TMC1: variants seen among roughly 807,000 people sequenced by gnomAD.
The protein encoded by TMC1 is transmembrane channel like 1, also known as transmembrane channel-like protein 1.
Under a neutral mutation model 105.8 loss-of-function variants are expected in TMC1, and 84 were observed. That is an observed-to-expected ratio of 0.79 (90% CI 0.67 to 0.95). The LOEUF (loss-of-function observed/expected upper bound fraction) is 0.95, where lower values mean the gene tolerates loss of function less well. Among genes scored for constraint, TMC1 ranks in the 40% least tolerant of loss-of-function variants. The pLI is 0.00. For synonymous variants in TMC1, 315 were observed against 311.5 expected (o/e 1.01, Z -0.12); for missense variants, 817 against 914.1 (o/e 0.89, Z 1.37).
At chr9:72,701,253 G>A (rs1240944514) in intron 8 of TMC1, among the ~76,000 whole-genome samples, 4 of 152,150 alleles carry the variant, frequency 2.6e-5, no homozygotes, top group East Asian at 1.9e-4. Flanking sequence ...GCTATTCCCC[G>A]AACATGTCAG....
chr9:72,823,203 C>T (rs964979592), intron 20 of TMC1, among the ~76,000 whole-genome samples: 1 of 151,784 alleles, frequency 6.6e-6, no homozygotes, highest in African/African-American at 2.4e-5. Context: ...TCAGTTTCCT[C>T]ACTTTAGAGC....
chr9:72,702,964 C>T (rs1826669933), intron 8 of TMC1, among the ~76,000 whole-genome samples: 1 of 152,028 alleles, frequency 6.6e-6, no homozygotes, highest in African/African-American at 2.4e-5. Flanking sequence ...CCGCACCTGA[C>T]TCTAATCTAG....
At chr9:72,743,211 C>G (rs1343285619) in intron 10 of TMC1, among the ~76,000 whole-genome samples, 4 of 150,890 alleles carry the variant, frequency 2.7e-5, no homozygotes, top group East Asian at 3.9e-4. Context: ...ACTAAAAATA[C>G]AAAAAATTAG....
At chr9:72,527,566 C>T (rs748403949) in intron 1 of TMC1, among the ~76,000 whole-genome samples, 5 of 152,174 alleles carry the variant, frequency 3.3e-5, no homozygotes, top group Non-Finnish European at 5.9e-5. Context: ...CAGTGACTCA[C>T]GCTCCTCCTG....
Position 72,623,147 on chromosome 9 carries a change from G to GTT in TMC1, c.-195-4761_-195-4760dup, listed in dbSNP as rs1162181237. ...TTATTTGTCTTCTCTCTCTCTCCCT[G>GTT]TTTTTTTTTTTTTTCTTTTTTTTTT... is the stretch of plus-strand genomic sequence containing the variant. On this transcript the variant is annotated intron_variant, in intron 3 of 23. Transcript: ENST00000297784. Among the ~76,000 whole-genome samples, 1,039 of 113,666 alleles carry GTT rather than the reference G, an allele frequency of 9.1e-3. 22 individuals are homozygous for GTT. The highest frequency in any genetic ancestry group is 0.034 in the African/African-American group (981 of 29,056). 74.6% of individuals were successfully genotyped at this position (113,666 alleles called of 152,430 possible).
intron 8 of TMC1, among the ~76,000 whole-genome samples, chr9:72,737,404 AG>A (rs1222877076): frequency 6.6e-6 from 1 of 152,216 alleles, no homozygotes; most frequent in Non-Finnish European, 1.5e-5. Flanking sequence ...CTTAGCAAGC[AG>A]GGGTGCGATT....
At chr9:72,668,984 A>G (rs1214034744) in intron 5 of TMC1, among the ~76,000 whole-genome samples, 1 of 152,216 alleles carries the variant, frequency 6.6e-6, no homozygotes, top group Admixed American at 6.5e-5. Context: ...TTTAGAAAAC[A>G]AAAACATAAC....
At chr9:72,541,015 G>A (rs538932507) in intron 1 of TMC1, among the ~76,000 whole-genome samples, 1 of 152,284 alleles carries the variant, frequency 6.6e-6, no homozygotes, top group Admixed American at 6.5e-5. Context: ...TGTTTTGGAT[G>A]TGGCCAGGTC....
At chr9:72,821,804 TAAAA>T (rs1217837256) in intron 20 of TMC1, among the ~76,000 whole-genome samples, 1 of 151,810 alleles carries the variant, frequency 6.6e-6, no homozygotes, top group Non-Finnish European at 1.5e-5. Context: ...ATTACTACCT[TAAAA>T]AGAGAGAGAG....
At chr9:72,787,840 T>C (rs575553363) in intron 13 of TMC1, among the ~76,000 whole-genome samples, 10 of 152,142 alleles carry the variant, frequency 6.6e-5, no homozygotes, top group Non-Finnish European at 1.2e-4. Context: ...TGGGATGAGA[T>C]TCTAGGGGGA....
chr9:72,756,714 C>T (rs915610996), intron 12 of TMC1, among the ~76,000 whole-genome samples: 4 of 152,096 alleles, frequency 2.6e-5, no homozygotes, highest in African/African-American at 9.7e-5. Context: ...AAAATATGAA[C>T]AAAAGGTCTT....
chr9:72,755,400 ATAGT>A (rs1827663218), intron 12 of TMC1, among the ~76,000 whole-genome samples: 1 of 152,206 alleles, frequency 6.6e-6, no homozygotes, highest in Non-Finnish European at 1.5e-5. Context: ...GTATTACTCA[ATAGT>A]TAGTACTAAA....
chr9:72,789,285 C>T lies in TMC1; in HGVS notation c.1192C>T (p.Pro398Ser). The T allele has an allele frequency of 1.2e-6, 2 of 1,614,042 alleles. No individual in the cohort carries two copies. Among genetic ancestry groups the T allele is most frequent in the Non-Finnish European group, 1.7e-6 (2 of 1,179,914 alleles). Reference sequence around the variant, plus strand: ...ATCCCAGGAATTTGCACAGCAAGATCCTGACACCCTTGGGTGGTGGGAAAA... The same window carrying T: ...ATCCCAGGAATTTGCACAGCAAGATTCTGACACCCTTGGGTGGTGGGAAAA... The part of the protein sequence containing the change: ...KRSQEFAQQD[P>S]DTLGWWEKNE... Residue 398 changes from proline (P) to serine (S), a missense_variant, in exon 15 of 24, where the codon CCT (proline) becomes TCT (serine). Transcript: ENST00000297784.
At chr9:72,706,313 T>C (rs1022905098) in intron 8 of TMC1, among the ~76,000 whole-genome samples, 1 of 152,212 alleles carries the variant, frequency 6.6e-6, no homozygotes, top group Admixed American at 6.5e-5. Flanking sequence ...AAAGATGCTA[T>C]ACAAGAGGAC....
intron 8 of TMC1, among the ~76,000 whole-genome samples, chr9:72,705,126 A>G (rs1318908130): frequency 1.3e-5 from 2 of 152,200 alleles, no homozygotes; most frequent in Non-Finnish European, 2.9e-5. Context: ...TTTCCTACCT[A>G]TAAGAGGTCG....
chr9:72,807,031 G>A (rs1828608964), intron 18 of TMC1, among the ~76,000 whole-genome samples: 1 of 152,236 alleles, frequency 6.6e-6, no homozygotes, highest in Non-Finnish European at 1.5e-5. Context: ...GGAGGCTGAG[G>A]CTGGCGGATC....
intron 8 of TMC1, among the ~76,000 whole-genome samples, chr9:72,722,560 A>G (rs1265522748): frequency 6.6e-6 from 1 of 152,156 alleles, no homozygotes; most frequent in Non-Finnish European, 1.5e-5. Context: ...GTAAATCTCC[A>G]TTTCAGAAGA....
intron 5 of TMC1, among the ~76,000 whole-genome samples, chr9:72,674,902 G>A (rs900511643): frequency 1.3e-5 from 2 of 152,116 alleles, no homozygotes; most frequent in Non-Finnish European, 2.9e-5. Flanking sequence ...CTCAAATCAA[G>A]CCATCAGGCT....
chr9:72,623,578 T>C (rs1825294278), intron 3 of TMC1, among the ~76,000 whole-genome samples: 1 of 152,146 alleles, frequency 6.6e-6, no homozygotes, highest in Admixed American at 6.5e-5. Context: ...CAAACTTTTA[T>C]GGTCATTCAC....
Sources: gnomAD v4.1 joint callset for allele counts (sites outside exome capture counted in the v4.1 genomes callset) on GRCh38, gnomAD v4.1.1 for gene constraint, MANE v1.5 for transcripts, NCBI Gene and HGNC (gene_info 2026-07-23, HGNC 2026-07-21) for gene names.